Variants in NRDE2 observed in about 807,000 individuals in gnomAD.
NRDE2 encodes NRDE-2, necessary for RNA interference, domain containing, also known as nuclear exosome regulator NRDE2.
NRDE2 carries 76 observed loss-of-function variants against 124.2 expected under a neutral mutation model. That is an observed-to-expected ratio of 0.61 (90% CI 0.51 to 0.74). NRDE2 has a LOEUF of 0.74. Ranked by LOEUF, NRDE2 falls within the 30% of genes least tolerant of loss-of-function variation. The pLI, the probability that NRDE2 is intolerant of heterozygous loss-of-function variation, is 0.00. For synonymous variants in NRDE2, 489 were observed against 528.1 expected (o/e 0.93, Z 1.01); for missense variants, 1,314 against 1,417.3 (o/e 0.93, Z 1.17).
chr14:90,330,222 T>TAAATAAATAAATAAA (rs142138155), intron 1 of NRDE2, among the ~76,000 whole-genome samples: 46,154 of 140,486 alleles, frequency 0.33, 7,988 homozygotes, highest in Middle Eastern at 0.47. Flanking sequence ...AAAAAATAAA[T>TAAATAAATAAATAAA]AAATAAATAA....
At chr14:90,292,978 G>A (rs1389113569) in intron 8 of NRDE2, 106 bp from the exon 9 acceptor site, 2 of 979,588 alleles carry the variant, frequency 2.0e-6, no homozygotes, top group African/African-American at 1.6e-5. Context: ...ATGCCAAGAT[G>A]TGTAAGAGCC....
intron 3 of NRDE2, among the ~76,000 whole-genome samples, chr14:90,313,433 A>AT (rs1884925421): frequency 6.6e-6 from 1 of 152,000 alleles, no homozygotes; most frequent in Non-Finnish European, 1.5e-5. Context: ...GCTCAGCCTC[A>AT]TTTTTATGGT....
Position 90,331,887 on chromosome 14 carries a change from G to C in NRDE2, c.18C>G (p.Ala6=). The change falls in exon 1 of 14, where the codon GCC becomes GCG. Residue 6 remains alanine (A), a synonymous_variant. Transcript: ENST00000354366. ...CGGGAGCCTCACTAAGCCCCGCAAA[G>C]GCTGGGAACAGCGCCATGACCACAG... MALFP[A]FAGLSEAPDG... 1 of 1,614,156 alleles carries C rather than the reference G, an allele frequency of 6.2e-7. No individual in the cohort carries two copies. Among genetic ancestry groups the C allele is most frequent in the Non-Finnish European group, 8.5e-7 (1 of 1,180,052 alleles).
intron 9 of NRDE2, among the ~76,000 whole-genome samples, chr14:90,291,137 A>G (rs1892261725): frequency 6.6e-6 from 1 of 152,250 alleles, no homozygotes; most frequent in South Asian, 2.1e-4. Flanking sequence ...AACCTACAGG[A>G]GCAATGGAGC....
rs537915671 is a variant in NRDE2, at chr14:90,273,055, A to C, written c.*5281T>G. The C allele has an allele frequency of 6.6e-6, 1 of 152,250 alleles. No individual in the cohort carries two copies. Among genetic ancestry groups the C allele is most frequent in the East Asian group, 1.9e-4 (1 of 5,162 alleles). 9.4% of individuals were successfully genotyped at this position (152,250 alleles called of 1,614,324 possible). A position where few individuals can be genotyped will look rare whatever the true frequency, so the allele number is the denominator to read the frequency against. ...CTCATCCCTTTCAAGGTGTTCAGAA[A>C]CATGTCAGAACTTCCCCTTCCCTTT... On this transcript the variant is annotated 3_prime_UTR_variant, in exon 14 of 14. Transcript: ENST00000354366.
intron 8 of NRDE2, among the ~76,000 whole-genome samples, chr14:90,296,316 C>T (rs1313807312): frequency 6.6e-6 from 1 of 152,184 alleles, no homozygotes; most frequent in Non-Finnish European, 1.5e-5. Context: ...TACCTACTTC[C>T]GTTTCATGCA....
intron 11 of NRDE2, among the ~76,000 whole-genome samples, chr14:90,287,735 C>T (rs1410096875): frequency 6.6e-6 from 1 of 152,166 alleles, no homozygotes; most frequent in Non-Finnish European, 1.5e-5. Flanking sequence ...TTGTACCAAG[C>T]ACTTACCTCA....
At chr14:90,312,577 C>G (rs918461186) in intron 3 of NRDE2, 34 bp from the exon 4 acceptor site, 9 of 1,611,228 alleles carry the variant, frequency 5.6e-6, no homozygotes, top group Middle Eastern at 1.7e-4. Context: ...AAGGGAGAGG[C>G]ACTTTAAAAA....
chr14:90,279,264 G>A (rs1236627441), intron 12 of NRDE2, 131 bp from the exon 13 acceptor site: 13 of 697,934 alleles, frequency 1.9e-5, no homozygotes, highest in East Asian at 1.3e-4. Flanking sequence ...GCCTGGCACC[G>A]TCACGGTGGC....
Position 90,276,138 on chromosome 14 carries a change from A to G in NRDE2, c.*2198T>C, listed in dbSNP as rs1325097053. 1 of 150,778 alleles carries G rather than the reference A, an allele frequency of 6.6e-6. No individual in the cohort carries two copies. The highest frequency in any genetic ancestry group is 1.5e-5 in the Non-Finnish European group (1 of 67,842). The allele number at this position is 150,778 out of a possible 1,614,324, so 9.3% of individuals were successfully genotyped here. On this transcript the variant is annotated 3_prime_UTR_variant, in exon 14 of 14. Coordinates refer to ENST00000354366, the MANE Select transcript of NRDE2 (RefSeq NM_017970.4). ...GACTCCAGCTGGGAACCCCCTTCTC[A>G]GCCCTCCAAGCTGACGGTTAGTCTT...
At chr14:90,291,264 T>C (rs1463479599) in intron 9 of NRDE2, among the ~76,000 whole-genome samples, 3 of 152,226 alleles carry the variant, frequency 2.0e-5, no homozygotes, top group Admixed American at 1.3e-4. Flanking sequence ...TGGTGCTGCT[T>C]ATCTGATTGG....
chr14:90,324,174 T>C (rs542456091), intron 1 of NRDE2, among the ~76,000 whole-genome samples: 2 of 151,804 alleles, frequency 1.3e-5, no homozygotes, highest in African/African-American at 2.4e-5. Context: ...AAATAGACAG[T>C]GAGAAATAGG....
intron 9 of NRDE2, 93 bp downstream of exon 9, chr14:90,292,604 A>G: frequency 7.2e-7 from 1 of 1,382,908 alleles, no homozygotes; most frequent in South Asian, 1.3e-5. Context: ...AGAGAGCTCC[A>G]GCGGCCTCCT....
Position 90,273,446 on chromosome 14 carries a change from T to C in NRDE2, c.*4890A>G, listed in dbSNP as rs1243152395. On this transcript the variant is annotated 3_prime_UTR_variant, in exon 14 of 14. Coordinates refer to ENST00000354366, the MANE Select transcript of NRDE2 (RefSeq NM_017970.4). ...GGTGGCAGGTGCCTGTAGTCCCAGCTACTCAGGAGGCTGAGGCAGGACAAT... is the reference window on the plus strand; with the variant it reads ...GGTGGCAGGTGCCTGTAGTCCCAGCCACTCAGGAGGCTGAGGCAGGACAAT... 1 of 152,126 alleles carries C rather than the reference T, an allele frequency of 6.6e-6. No homozygotes were observed. The highest frequency in any genetic ancestry group is 1.5e-5 in the Non-Finnish European group (1 of 68,058). The allele number at this position is 152,126 out of a possible 1,614,324, so 9.4% of individuals were successfully genotyped here. A position where few individuals can be genotyped will look rare whatever the true frequency, so the allele number is the denominator to read the frequency against.
intron 1 of NRDE2, among the ~76,000 whole-genome samples, chr14:90,322,317 G>C (rs977895337): frequency 8.6e-5 from 13 of 152,024 alleles, no homozygotes; most frequent in African/African-American, 3.1e-4. Flanking sequence ...CCAGTTTCTA[G>C]CTCCCTCCCC....
chr14:90,269,823 G>T lies in NRDE2; in HGVS notation c.*8513C>A. On this transcript the variant is annotated 3_prime_UTR_variant, in exon 14 of 14. Transcript: ENST00000354366. ...CCTCAAGAACTTGCTGCTTTTTCTG[G>T]AAGAAATAATTCATGTGATGGTAGG... The T allele has an allele frequency of 2.5e-6, 1 of 401,084 alleles. No homozygotes were observed. Among genetic ancestry groups the T allele is most frequent in the East Asian group, 4.2e-5 (1 of 23,932 alleles). 24.8% of individuals were successfully genotyped at this position (401,084 alleles called of 1,614,324 possible).
chr14:90,331,936 A>G lies in NRDE2; in HGVS notation c.-32T>C. 6.2e-7 allele frequency: 1 copy of G among 1,613,204 alleles called. No homozygotes were observed. The highest frequency in any genetic ancestry group is 8.5e-7 in the Non-Finnish European group (1 of 1,179,482). ...AGGCCGTACCTCCGTTCTTCTCTAT[A>G]GGGATGGCGCCGGCGAGCGAGCGCC... On this transcript the variant is annotated 5_prime_UTR_variant, in exon 1 of 14. Transcript: ENST00000354366.
chr14:90,287,654 C>G (rs1183901862), intron 11 of NRDE2, among the ~76,000 whole-genome samples: 2 of 151,946 alleles, frequency 1.3e-5, no homozygotes, highest in African/African-American at 4.8e-5. Context: ...AATATCGTAT[C>G]AAAGATGGAA....
intron 4 of NRDE2, among the ~76,000 whole-genome samples, chr14:90,310,711 G>C (rs536929993): frequency 3.9e-5 from 6 of 152,014 alleles, no homozygotes; most frequent in African/African-American, 1.2e-4. Context: ...GTAGAGATGG[G>C]GTTTCACCAC....
Sources: gnomAD v4.1 joint callset for allele counts (sites outside exome capture counted in the v4.1 genomes callset) on GRCh38, gnomAD v4.1.1 for gene constraint, MANE v1.5 for transcripts, NCBI Gene and HGNC (gene_info 2026-07-23, HGNC 2026-07-21) for gene names.